The following HEATR4 variants were observed in gnomAD, a reference collection of about 807,000 sequenced individuals.
The protein encoded by HEATR4 is HEAT repeat containing 4.
A neutral mutation model predicts 108.8 loss-of-function variants in HEATR4; 95 were observed. The observed-to-expected ratio is 0.87, with a 90% confidence interval of 0.74 to 1.04. The LOEUF is 1.04. Among genes scored for constraint, HEATR4 ranks in the 50% least tolerant of loss-of-function variants. The pLI is 0.00. For synonymous variants in HEATR4, 443 were observed against 459.4 expected, an observed-to-expected ratio of 0.96 and a Z score of 0.46; for missense variants, 1,152 against 1,253.8, an observed-to-expected ratio of 0.92 and a Z score of 1.23.
the HEATR4 span, among the ~76,000 whole-genome samples, chr14:73,573,054 C>T: frequency 2.6e-5 from 4 of 151,340 alleles, no homozygotes; most frequent in African/African-American, 7.3e-5. Flanking sequence ...AGTCTGTCTC[C>T]GTTGAGTAAG....
chr14:73,579,443 T>C, the HEATR4 span, among the ~76,000 whole-genome samples: 1 of 139,116 alleles, frequency 7.2e-6, no homozygotes, highest in East Asian at 2.2e-4. Flanking sequence ...AGCGTGGTGC[T>C]GGGCGCCTGT....
In HEATR4 at chr14:73,502,939, C is replaced by G; in HGVS notation, c.2061G>C (p.Ala687=). The G allele has an allele frequency of 3.1e-6, 5 of 1,614,052 alleles. No individual in the cohort carries two copies. Among genetic ancestry groups the G allele is most frequent in the Non-Finnish European group, 4.2e-6 (5 of 1,180,004 alleles). Residue 687 remains alanine (A), a synonymous_variant, in exon 11 of 18, where the codon GCG becomes GCC. Coordinates refer to ENST00000553558, the MANE Select transcript of HEATR4 (RefSeq NM_001220484.1). ...CTTTCCCGAGGCTCATTTGCCCAAG[C>G]GCCTGTGCAGCTGCTCTCCTCACTT... ...NKEVRRAAAQ[A]LGQMSLGKEV...
chr14:73,578,696 G>A, the HEATR4 span, among the ~76,000 whole-genome samples: 1 of 151,974 alleles, frequency 6.6e-6, no homozygotes, highest in Non-Finnish European at 1.5e-5. Context: ...TTATGCCTCT[G>A]TAATCCCAGC....
rs1885832675 is a variant in HEATR4 at position 73,492,432 on chromosome 14, C to T, written c.2844+634G>A. ...GCCCAGCATTCAGATTCTAAGGATC[C>T]GCGAAGAACCGCTTTCATGGAGAAG... On this transcript the variant is annotated intron_variant, in intron 17 of 17. Transcript: ENST00000553558. The surrounding 1 kb of genome is among the most constrained non-coding windows in gnomAD (Gnocchi z 4.9). The T allele has an allele frequency of 4.3e-6, 7 of 1,613,418 alleles. 1 individual carries two copies. The highest frequency in any genetic ancestry group is 2.2e-5 in the South Asian group (2 of 91,050).
At chr14:73,619,621 C>T in the HEATR4 span, 1 of 1,614,186 alleles carries the variant, frequency 6.2e-7, no homozygotes, top group Non-Finnish European at 8.5e-7. Flanking sequence ...GAAAGAAAGA[C>T]CCCAGATAAT....
At chr14:73,499,438 C>T (rs938019039) in intron 12 of HEATR4, among the ~76,000 whole-genome samples, 1 of 152,052 alleles carries the variant, frequency 6.6e-6, no homozygotes, top group Non-Finnish European at 1.5e-5. Flanking sequence ...TGAGATCGTG[C>T]CACTGTACTC....
At chr14:73,630,252 CCCT>C in the HEATR4 span, among the ~76,000 whole-genome samples, 9 of 152,012 alleles carry the variant, frequency 5.9e-5, no homozygotes, top group Non-Finnish European at 7.4e-5. Flanking sequence ...ATCACCAGAC[CCCT>C]CCAAGTTAGC....
the HEATR4 span, among the ~76,000 whole-genome samples, chr14:73,566,434 G>C: frequency 6.6e-6 from 1 of 152,116 alleles, no homozygotes; most frequent in Non-Finnish European, 1.5e-5. Context: ...ACGGAGGCGG[G>C]GGGAGGCTCA....
chr14:73,563,616 A>AT (rs1372598900), upstream of HEATR4, among the ~76,000 whole-genome samples: 2 of 151,870 alleles, frequency 1.3e-5, no homozygotes, highest in South Asian at 2.1e-4. Context: ...GATAATGGTG[A>AT]TAGTTGTACA....
At chr14:73,631,893 C>A in the HEATR4 span, 1 of 157,832 alleles carries the variant, frequency 6.3e-6, no homozygotes, top group South Asian at 1.8e-4. Flanking sequence ...TCATGATGTT[C>A]ATGTTCTGGG....
rs796842933 is a variant in HEATR4 at position 73,544,068 on chromosome 14, G to A, written c.-151-13824C>T. On this transcript the variant is annotated intron_variant, in intron 1 of 17. Coordinates refer to ENST00000553558, the MANE Select transcript of HEATR4 (RefSeq NM_001220484.1). ...AGCACTTTGGGAGGCCAAGGTGCGC[G>A]GATTACTTGAGGTCAGGAGTTTGAG... Among the ~76,000 whole-genome samples the A allele has an allele frequency of 1.7e-4, 20 of 114,972 alleles. 5 individuals carry two copies. The highest frequency in any genetic ancestry group is 5.5e-4 in the South Asian group (2 of 3,608). 75.4% of individuals were successfully genotyped at this position (114,972 alleles called of 152,430 possible).
the HEATR4 span, among the ~76,000 whole-genome samples, chr14:73,586,134 C>G: frequency 6.6e-6 from 1 of 152,006 alleles, no homozygotes; most frequent in Non-Finnish European, 1.5e-5. Flanking sequence ...TGGCTCAGGC[C>G]TGTAATCCCA....
At chr14:73,533,675 A>G (rs1226666512) in intron 1 of HEATR4, among the ~76,000 whole-genome samples, 1 of 110,146 alleles carries the variant, frequency 9.1e-6, no homozygotes, top group African/African-American at 3.0e-5. Context: ...GCAAGACTCC[A>G]AAAGTTCTGG....
the HEATR4 span, chr14:73,569,217 A>G: frequency 1.2e-6 from 2 of 1,611,466 alleles, no homozygotes; most frequent in Admixed American, 3.3e-5. Context: ...GTGGGCGCTT[A>G]GCCTGCGACG....
chr14:73,529,408 G>C (rs1192005354), intron 2 of HEATR4, among the ~76,000 whole-genome samples: 1 of 149,974 alleles, frequency 6.7e-6, no homozygotes, highest in African/African-American at 2.5e-5. Context: ...CTGCAGACCA[G>C]GCCCTGGAAT....
Position 73,492,577 on chromosome 14 carries a change from A to G in HEATR4, c.2844+489T>C, listed in dbSNP as rs376001064. 6.2e-7 allele frequency: 1 copy of G among 1,613,920 alleles called. No homozygotes were observed. Among genetic ancestry groups the G allele is most frequent in the Non-Finnish European group, 8.5e-7 (1 of 1,179,852 alleles). On this transcript the variant is annotated intron_variant, in intron 17 of 17. Coordinates refer to ENST00000553558, the MANE Select transcript of HEATR4 (RefSeq NM_001220484.1). The surrounding 1 kb of genome is among the most constrained non-coding windows in gnomAD (Gnocchi z 4.9). ...CTGTTTTGACTGATAGGGAGAGGGC[A>G]CTAAGTGTTTACGGGCTTCCAATTC... is the stretch of plus-strand genomic sequence containing the variant.
At chr14:73,493,519 G>T in intron 16 of HEATR4, 1 of 197,568 alleles carries the variant, frequency 5.1e-6, no homozygotes, top group East Asian at 1.5e-4. Context: ...GCATGTAAAA[G>T]GAGCATGTTA....
At chr14:73,573,675 C>A in the HEATR4 span, 1 of 1,476,126 alleles carries the variant, frequency 6.8e-7, no homozygotes. Context: ...TTAGCTCATT[C>A]ATGACAGCCA....
chr14:73,491,145 T>C, intron 17 of HEATR4: 1 of 1,607,806 alleles, frequency 6.2e-7, no homozygotes, highest in Non-Finnish European at 8.5e-7. Context: ...CGAAAGCAGC[T>C]GCGAAGTGTT....
Sources: allele counts gnomAD v4.1 joint callset (sites outside exome capture counted in the v4.1 genomes callset), GRCh38; gene constraint gnomAD v4.1.1; non-coding constraint Gnocchi (gnomAD v3.1); transcripts MANE v1.5; gene names NCBI Gene and HGNC (gene_info 2026-07-23, HGNC 2026-07-21).